Variants in OXR1 observed in about 807,000 individuals in gnomAD.
OXR1 encodes oxidation resistance protein 1.
OXR1 carries 41 observed loss-of-function variants against 104.6 expected under a neutral mutation model. The ratio of observed to expected loss-of-function variants is 0.39; its 90% confidence interval spans 0.31 to 0.51. The LOEUF (loss-of-function observed/expected upper bound fraction) is 0.51, where lower values mean the gene tolerates loss of function less well. Among genes scored for constraint, OXR1 ranks in the 20% least tolerant of loss-of-function variants. The pLI, the probability that OXR1 is intolerant of heterozygous loss-of-function variation, is 0.77. For missense variants in OXR1, 955 were observed against 1,031.9 expected, an observed-to-expected ratio of 0.93 and a Z score of 1.02; for synonymous variants, 348 against 348.4, an observed-to-expected ratio of 1.00 and a Z score of 0.01.
At chr8:106,380,725 G>A (rs1817108741) in intron 2 of OXR1, among the ~76,000 whole-genome samples, 1 of 152,048 alleles carries the variant, frequency 6.6e-6, no homozygotes. Context: ...TTAATGATGT[G>A]GAGCATTTTT....
chr8:106,393,096 C>T (rs1817645646), intron 2 of OXR1, among the ~76,000 whole-genome samples: 1 of 152,126 alleles, frequency 6.6e-6, no homozygotes, highest in Admixed American at 6.6e-5. Flanking sequence ...TTTCTGTTTC[C>T]TTCCTCTTAC....
At chr8:106,542,651 G>A (rs183122265) in intron 3 of OXR1, among the ~76,000 whole-genome samples, 11 of 151,726 alleles carry the variant, frequency 7.2e-5, no homozygotes, top group Non-Finnish European at 1.5e-5. Context: ...CAGTAAAACT[G>A]TGGTAGCATT....
chr8:106,347,254 A>C (rs992957746), intron 1 of OXR1, among the ~76,000 whole-genome samples: 1 of 152,210 alleles, frequency 6.6e-6, no homozygotes, highest in African/African-American at 2.4e-5. Flanking sequence ...TCCTAAGCAA[A>C]GAGTGACATG....
At chr8:106,662,783 G>T (rs935173820) in intron 3 of OXR1, among the ~76,000 whole-genome samples, 2 of 151,938 alleles carry the variant, frequency 1.3e-5, no homozygotes, top group African/African-American at 4.8e-5. Flanking sequence ...TAATATTGGG[G>T]GGTGTAAAAT....
chr8:106,414,700 G>A (rs1416762317), intron 2 of OXR1, among the ~76,000 whole-genome samples: 1 of 152,130 alleles, frequency 6.6e-6, no homozygotes, highest in Non-Finnish European at 1.5e-5. Context: ...ATAGAGATTA[G>A]AATGTGTGTT....
chr8:106,703,013 G>A lies in OXR1; in HGVS notation c.783G>A (p.Met261Ile). ...QENGCEEYGIMCPMEEVMSAA... is the reference protein window; with the variant it reads ...QENGCEEYGIICPMEEVMSAA... ...ATGGCTGTGAGGAATATGGCATCAT[G>A]TGTCCAATGGAAGAGGTGATGTCAG... The change falls in exon 8 of 17, where the codon ATG (methionine) becomes ATA (isoleucine). Residue 261 changes from methionine (M) to isoleucine (I), a missense_variant. This residue lies in a region of OXR1 where 849 missense variants were observed against 852.9 expected (regional missense o/e 1.00). Coordinates refer to ENST00000517566, the MANE Select transcript of OXR1 (RefSeq NM_001198533.2). 1 of 1,613,688 alleles carries A rather than the reference G, an allele frequency of 6.2e-7. No individual in the cohort carries two copies. The highest frequency in any genetic ancestry group is 1.7e-5 in the Admixed American group (1 of 59,996).
At chr8:106,589,525 T>C (rs1271282025) in intron 3 of OXR1, among the ~76,000 whole-genome samples, 1 of 152,084 alleles carries the variant, frequency 6.6e-6, no homozygotes, top group Middle Eastern at 3.2e-3. Flanking sequence ...GAGTGACTCA[T>C]TTACCAACAG....
intron 1 of OXR1, among the ~76,000 whole-genome samples, chr8:106,286,411 T>C (rs1812504810): frequency 7.0e-6 from 1 of 143,824 alleles, no homozygotes; most frequent in Admixed American, 7.1e-5. Flanking sequence ...AATTAAAACA[T>C]AAATGCTGCC....
chr8:106,491,088 C>G (rs575810320), intron 2 of OXR1, among the ~76,000 whole-genome samples: 1 of 152,158 alleles, frequency 6.6e-6, no homozygotes, highest in Non-Finnish European at 1.5e-5. Flanking sequence ...TCTGCTTCCT[C>G]GACGCTCCGC....
chr8:106,549,045 C>T (rs987905442), intron 3 of OXR1, among the ~76,000 whole-genome samples: 1 of 152,036 alleles, frequency 6.6e-6, no homozygotes, highest in African/African-American at 2.4e-5. Context: ...GCAAAGATTA[C>T]ACCTGCCTCA....
chr8:106,504,729 T>A (rs1397910715), intron 2 of OXR1, among the ~76,000 whole-genome samples: 1 of 152,234 alleles, frequency 6.6e-6, no homozygotes, highest in Non-Finnish European at 1.5e-5. Flanking sequence ...TGATGATGAT[T>A]GACTAAATAT....
At chr8:106,420,572 A>T (rs1431251352) in intron 2 of OXR1, among the ~76,000 whole-genome samples, 1 of 151,848 alleles carries the variant, frequency 6.6e-6, no homozygotes, top group Non-Finnish European at 1.5e-5. Flanking sequence ...GCATTTCTTG[A>T]TAAAATATTT....
intron 2 of OXR1, among the ~76,000 whole-genome samples, chr8:106,398,236 G>A (rs1031870981): frequency 2.6e-5 from 4 of 152,054 alleles, no homozygotes; most frequent in African/African-American, 9.7e-5. Flanking sequence ...TTGCATTTCC[G>A]TGGTCTTCCT....
chr8:106,495,448 G>GT (rs1231009352), intron 2 of OXR1, among the ~76,000 whole-genome samples: 4 of 152,174 alleles, frequency 2.6e-5, no homozygotes, highest in African/African-American at 7.2e-5. Flanking sequence ...TTATTCTTAA[G>GT]TTTTATTCCT....
intron 2 of OXR1, among the ~76,000 whole-genome samples, chr8:106,413,724 C>CTT (rs147530944): frequency 3.4e-3 from 253 of 73,474 alleles, no homozygotes; most frequent in African/African-American, 0.011. Context: ...GCTGTATCTA[C>CTT]TTTTTTTTTT....
At chr8:106,293,429 A>T (rs2130051861) in intron 1 of OXR1, among the ~76,000 whole-genome samples, 1 of 152,306 alleles carries the variant, frequency 6.6e-6, no homozygotes, top group Non-Finnish European at 1.5e-5. Flanking sequence ...ATCCAGTCCC[A>T]TTCTTGAAGA....
In OXR1 at chr8:106,752,563, T is replaced by G. The variant is rs1228687398; in HGVS notation, c.*1622T>G. ...AATAAATATATCAGTTTTTTTCCCC[T>G]TCGGTCTTCCACAGCAGTATTATTG... is the stretch of plus-strand genomic sequence containing the variant. On this transcript the variant is annotated 3_prime_UTR_variant, in exon 17 of 17. Coordinates refer to ENST00000517566, the MANE Select transcript of OXR1 (RefSeq NM_001198533.2). The G allele has an allele frequency of 1.3e-5, 2 of 152,520 alleles. No individual in the cohort carries two copies. Among genetic ancestry groups the G allele is most frequent in the African/African-American group, 4.8e-5 (2 of 41,452 alleles). 9.4% of individuals were successfully genotyped at this position (152,520 alleles called of 1,614,324 possible).
At chr8:106,525,210 A>T (rs1813566689) in intron 3 of OXR1, among the ~76,000 whole-genome samples, 1 of 152,216 alleles carries the variant, frequency 6.6e-6, no homozygotes. Context: ...CGAGCTTAAC[A>T]TTTACTGTGT....
At chr8:106,320,488 T>C (rs1434637850) in intron 1 of OXR1, among the ~76,000 whole-genome samples, 1 of 152,180 alleles carries the variant, frequency 6.6e-6, no homozygotes, top group African/African-American at 2.4e-5. Context: ...TTGCCTGTAA[T>C]AGTGGTAAGT....
Sources: allele counts gnomAD v4.1 joint callset (sites outside exome capture counted in the v4.1 genomes callset), GRCh38; gene constraint gnomAD v4.1.1; regional missense constraint gnomAD v4.1.1; transcripts MANE v1.5; gene names NCBI Gene and HGNC (gene_info 2026-07-23, HGNC 2026-07-21).